CYP7B1: variants seen among roughly 807,000 people sequenced by gnomAD.
The protein encoded by CYP7B1 is cytochrome P450 7B1.
A neutral mutation model predicts 42.7 loss-of-function variants in CYP7B1; 29 were observed. The observed-to-expected ratio is 0.68, with a 90% CI of 0.51 to 0.93. The LOEUF is 0.93. Ranked by LOEUF, CYP7B1 falls within the 40% of genes least tolerant of loss-of-function variation. The probability of loss-of-function intolerance (pLI) is 0.00; values close to 1 mark genes in which losing one functional copy is unlikely to be tolerated. For synonymous variants in CYP7B1, 235 were observed against 218.2 expected (o/e 1.08, Z -0.68); for missense variants, 655 against 600.5 (o/e 1.09, Z -0.95).
At chr8:64,781,106 C>A (rs946289154) in intron 1 of CYP7B1, among the ~76,000 whole-genome samples, 11 of 152,066 alleles carry the variant, frequency 7.2e-5, no homozygotes, top group African/African-American at 2.4e-4. Flanking sequence ...AAATCTGAGA[C>A]CAAAAATTCT....
chr8:64,755,482 G>A (rs1001708025), intron 1 of CYP7B1, among the ~76,000 whole-genome samples: 13 of 151,888 alleles, frequency 8.6e-5, no homozygotes, highest in African/African-American at 2.2e-4. Flanking sequence ...GCAATGGCAC[G>A]ATCTCGGCTC....
At chr8:64,636,308 AATT>A (rs1805771938) in intron 1 of CYP7B1, among the ~76,000 whole-genome samples, 1 of 152,102 alleles carries the variant, frequency 6.6e-6, no homozygotes, top group Non-Finnish European at 1.5e-5. Context: ...TGGTCCATTT[AATT>A]ATATTTGCCT....
At chr8:64,648,408 C>T (rs1805986575) in intron 1 of CYP7B1, among the ~76,000 whole-genome samples, 1 of 152,152 alleles carries the variant, frequency 6.6e-6, no homozygotes, top group African/African-American at 2.4e-5. Flanking sequence ...AATGATGGTA[C>T]CTGTCCTGGC....
chr8:64,609,922 G>C (rs1180812333), intron 4 of CYP7B1, among the ~76,000 whole-genome samples: 1 of 152,112 alleles, frequency 6.6e-6, no homozygotes, highest in Non-Finnish European at 1.5e-5. Context: ...CACCTAGGGA[G>C]CTTTTTTTAA....
intron 1 of CYP7B1, among the ~76,000 whole-genome samples, chr8:64,679,830 A>T (rs958176047): frequency 4.6e-5 from 7 of 152,178 alleles, no homozygotes. Flanking sequence ...TAATGCAATA[A>T]ATTTATCCAG....
intron 1 of CYP7B1, among the ~76,000 whole-genome samples, chr8:64,643,310 G>A (rs564800649): frequency 1.9e-4 from 29 of 151,714 alleles, no homozygotes; most frequent in South Asian, 1.9e-3. Context: ...AAAGTGAGTC[G>A]CATGAATTAT....
intron 1 of CYP7B1, among the ~76,000 whole-genome samples, chr8:64,722,746 G>GGC (rs1554535550): frequency 9.2e-6 from 1 of 108,146 alleles, no homozygotes; most frequent in Non-Finnish European, 1.9e-5. Flanking sequence ...TTTGCGGCGG[G>GGC]GGGGGGGGGG....
chr8:64,616,348 A>G (rs776551453), intron 2 of CYP7B1, 67 bp from the exon 3 acceptor site: 22 of 1,000,102 alleles, frequency 2.2e-5, no homozygotes, highest in Non-Finnish European at 3.1e-5. Flanking sequence ...AAACACCACA[A>G]ATTAAAAAAT....
chr8:64,692,363 C>T (rs1352338149), intron 1 of CYP7B1, among the ~76,000 whole-genome samples: 1 of 152,186 alleles, frequency 6.6e-6, no homozygotes, highest in Admixed American at 6.5e-5. Context: ...AATCTGTATT[C>T]ACTGACAAAT....
At chr8:64,722,743 CGGGGGGGG>C (rs71260899) in intron 1 of CYP7B1, among the ~76,000 whole-genome samples, 2 of 7,638 alleles carry the variant, frequency 2.6e-4, no homozygotes, top group Non-Finnish European at 3.0e-4. Flanking sequence ...TTTTTTGCGG[CGGGGGGGG>C]GGGGGCGGGA....
intron 1 of CYP7B1, among the ~76,000 whole-genome samples, chr8:64,647,980 A>G (rs1487534659): frequency 1.3e-5 from 2 of 152,222 alleles, no homozygotes; most frequent in East Asian, 3.9e-4. Context: ...TATGGCTACA[A>G]TTAGCTGACA....
At chr8:64,779,704 T>C (rs903688033) in intron 1 of CYP7B1, among the ~76,000 whole-genome samples, 2 of 152,184 alleles carry the variant, frequency 1.3e-5, no homozygotes, top group Non-Finnish European at 2.9e-5. Flanking sequence ...AGGACAACTT[T>C]GGTTTTTCAA....
intron 1 of CYP7B1, among the ~76,000 whole-genome samples, chr8:64,635,474 C>A (rs1440148121): frequency 6.6e-6 from 1 of 152,206 alleles, no homozygotes; most frequent in South Asian, 2.1e-4. Flanking sequence ...CTAGAAAGGT[C>A]TGTTATCTTT....
chr8:64,745,177 C>T (rs7832640), intron 1 of CYP7B1, among the ~76,000 whole-genome samples: 2,090 of 152,278 alleles, frequency 0.014, 57 homozygotes, highest in African/African-American at 0.046. Context: ...GGGTAAGATA[C>T]AGCATTCCGG....
chr8:64,679,388 AG>A (rs1475716441), intron 1 of CYP7B1, among the ~76,000 whole-genome samples: 3 of 152,220 alleles, frequency 2.0e-5, no homozygotes, highest in African/African-American at 7.2e-5. Context: ...CTGTATAGAT[AG>A]ATAGAAATAA....
At chr8:64,661,285 T>A (rs74469801) in intron 1 of CYP7B1, among the ~76,000 whole-genome samples, 10,184 of 152,266 alleles carry the variant, frequency 0.067, 407 homozygotes, top group South Asian at 0.16. Context: ...TTTCTTCGAG[T>A]TGAAAGTTCT....
chr8:64,668,083 C>A (rs1806309313), intron 1 of CYP7B1, among the ~76,000 whole-genome samples: 1 of 152,124 alleles, frequency 6.6e-6, no homozygotes, highest in East Asian at 1.9e-4. Flanking sequence ...CCAAGCAATA[C>A]CAGCCTTCCT....
intron 5 of CYP7B1, among the ~76,000 whole-genome samples, chr8:64,601,935 T>G (rs571503602): frequency 2.2e-4 from 34 of 152,340 alleles, no homozygotes; most frequent in African/African-American, 7.9e-4. Context: ...CACAAATCAC[T>G]TCTTTATTTG....
intron 1 of CYP7B1, among the ~76,000 whole-genome samples, chr8:64,677,749 T>G (rs1317573475): frequency 6.7e-6 from 1 of 149,670 alleles, no homozygotes; most frequent in Admixed American, 6.7e-5. Context: ...AAATGTATCT[T>G]AAGATCTATG....
Sources: gnomAD v4.1 joint callset for allele counts (sites outside exome capture counted in the v4.1 genomes callset) on GRCh38, gnomAD v4.1.1 for gene constraint, MANE v1.5 for transcripts, NCBI Gene and HGNC (gene_info 2026-07-23, HGNC 2026-07-21) for gene names.